THSD7A: variants seen among roughly 807,000 people sequenced by gnomAD.
THSD7A encodes the protein thrombospondin type-1 domain-containing protein 7A.
In THSD7A, 96 loss-of-function variants were observed where a neutral mutation model predicts 231.3. That is an observed-to-expected ratio of 0.41 (90% CI 0.35 to 0.49). The LOEUF (loss-of-function observed/expected upper bound fraction) is 0.49. Ranked by LOEUF, THSD7A falls within the 20% of genes least tolerant of loss-of-function variation. THSD7A has a pLI of 0.05. For synonymous variants in THSD7A, 940 were observed against 743.3 expected (o/e 1.26, Z -4.30); for missense variants, 2,290 against 2,070.2 (o/e 1.11, Z -2.06).
chr7:11,773,800 T>G (rs1783314666), intron 1 of THSD7A, among the ~76,000 whole-genome samples: 1 of 152,046 alleles, frequency 6.6e-6, no homozygotes, highest in South Asian at 2.1e-4. Flanking sequence ...GTAAACTCAT[T>G]TTAAAAATTA....
At chr7:11,829,904 C>T (rs1040100336) in intron 1 of THSD7A, among the ~76,000 whole-genome samples, 8 of 151,544 alleles carry the variant, frequency 5.3e-5, no homozygotes, top group Non-Finnish European at 8.8e-5. Context: ...ATATCTTTAA[C>T]ATCCTCATCA....
At chr7:11,597,999 A>G (rs1206519035) in intron 2 of THSD7A, among the ~76,000 whole-genome samples, 1 of 152,182 alleles carries the variant, frequency 6.6e-6, no homozygotes, top group Non-Finnish European at 1.5e-5. Flanking sequence ...ATGGTTCTGC[A>G]CGGTATGCAG....
intron 6 of THSD7A, among the ~76,000 whole-genome samples, chr7:11,539,895 G>A (rs931236474): frequency 6.6e-6 from 1 of 152,104 alleles, no homozygotes; most frequent in South Asian, 2.1e-4. Flanking sequence ...GACTATGGAA[G>A]GACAAGCAAA....
At position 11,373,729 on chromosome 7, in the gene THSD7A, C is replaced by T. The variant is rs769549055; in HGVS notation, c.*2065G>A. On this transcript the variant is annotated 3_prime_UTR_variant, in exon 28 of 28. Coordinates refer to ENST00000423059, the MANE Select transcript of THSD7A (RefSeq NM_015204.3). The stretch of plus-strand genomic sequence containing the variant: ...TAATCTTTGCAAATACTCTAATGAA[C>T]AGCAGGGGGAGTTCATACTCCAGTA... The T allele has an allele frequency of 3.7e-4, 56 of 152,068 alleles. No individual in the cohort carries two copies. The highest frequency in any genetic ancestry group is 6.6e-4 in the Admixed American group (10 of 15,226). 9.4% of individuals were successfully genotyped at this position (152,068 alleles called of 1,614,324 possible). A position where few individuals can be genotyped will look rare whatever the true frequency, so the allele number is the denominator to read the frequency against.
chr7:11,413,453 C>T (rs1303396655), intron 17 of THSD7A, among the ~76,000 whole-genome samples: 1 of 151,964 alleles, frequency 6.6e-6, no homozygotes, highest in Non-Finnish European at 1.5e-5. Context: ...TCACTCTGCA[C>T]CTGATCAACC....
intron 2 of THSD7A, among the ~76,000 whole-genome samples, chr7:11,628,716 T>G (rs1396310229): frequency 6.6e-6 from 1 of 152,356 alleles, no homozygotes; most frequent in East Asian, 1.9e-4. Flanking sequence ...CCTTTAGTTT[T>G]GTTGAATGAA....
At chr7:11,514,980 CTTG>C (rs1454013144) in intron 6 of THSD7A, among the ~76,000 whole-genome samples, 3 of 152,114 alleles carry the variant, frequency 2.0e-5, no homozygotes, top group Non-Finnish European at 4.4e-5. Flanking sequence ...CAGAAGATCA[CTTG>C]TTGTTTCAAA....
At chr7:11,807,785 T>A (rs1171593138) in intron 1 of THSD7A, among the ~76,000 whole-genome samples, 1 of 152,196 alleles carries the variant, frequency 6.6e-6, no homozygotes, top group East Asian at 1.9e-4. Context: ...AAATCAATAA[T>A]ATTTTGCTAC....
intron 1 of THSD7A, among the ~76,000 whole-genome samples, chr7:11,824,504 G>A (rs1319558521): frequency 6.6e-6 from 1 of 152,042 alleles, no homozygotes; most frequent in Non-Finnish European, 1.5e-5. Context: ...CCATCCTATT[G>A]TACTCTTAAT....
intron 13 of THSD7A, among the ~76,000 whole-genome samples, chr7:11,437,491 T>C (rs1364725721): frequency 6.6e-6 from 1 of 152,076 alleles, no homozygotes; most frequent in Admixed American, 6.6e-5. Context: ...TGCCTCTCTT[T>C]TACATTTGAA....
At position 11,593,489 on chromosome 7, in the gene THSD7A, C is replaced by T. The variant is rs61996274; in HGVS notation, c.1036G>A (p.Glu346Lys). ...GACTGGAAGGTCATTGGAAGCTTCT[C>T]TTGCTGGCAAAAGCTGTAAAAGAGC... ...KAADLSFCQQEKLPMTFQSCV... is the reference protein window; with the variant it reads ...KAADLSFCQQKKLPMTFQSCV... Residue 346 changes from glutamate to lysine, a missense_variant, in exon 3 of 28, where the codon GAG becomes AAG. Glu to Lys is a moderately conservative substitution (Grantham distance 56). Transcript: ENST00000423059. The T allele has an allele frequency of 4.3e-3, 6,898 of 1,613,888 alleles. 23 individuals are homozygous for T. Among genetic ancestry groups the T allele is most frequent in the Non-Finnish European group, 5.3e-3 (6,259 of 1,179,796 alleles).
chr7:11,429,045 T>TG lies in THSD7A; in HGVS notation c.3144dup (p.Lys1049GlnfsTer12). ...ACCTTCACACCACTCCCACAGGACT[T>TG]GCTGCAGCGCGACCAGTTGGACCAC... is the stretch of plus-strand genomic sequence containing the variant. On this transcript the variant is annotated frameshift_variant, in exon 14 of 28. Transcript: ENST00000423059. LOFTEE classifies it high-confidence loss of function. The TG allele has an allele frequency of 6.2e-7, 1 of 1,613,310 alleles. No homozygotes were observed.
At chr7:11,457,872 T>C (rs1785361582) in intron 11 of THSD7A, among the ~76,000 whole-genome samples, 2 of 152,130 alleles carry the variant, frequency 1.3e-5, no homozygotes, top group Admixed American at 1.3e-4. Context: ...CAACCCGTAC[T>C]TTAAGTCTTT....
chr7:11,527,843 G>A (rs1301823437), intron 6 of THSD7A, among the ~76,000 whole-genome samples: 1 of 152,076 alleles, frequency 6.6e-6, no homozygotes, highest in Non-Finnish European at 1.5e-5. Context: ...TTAAATAATG[G>A]CTTTAGGTAA....
At chr7:11,402,046 C>T in intron 22 of THSD7A, 78 bp from the exon 23 acceptor site, 2 of 1,234,212 alleles carry the variant, frequency 1.6e-6, no homozygotes, top group South Asian at 2.9e-5. Flanking sequence ...ATTCCAACCC[C>T]AGTAGGCAAT....
chr7:11,410,802 G>A (rs565938501), intron 19 of THSD7A, among the ~76,000 whole-genome samples: 1 of 152,158 alleles, frequency 6.6e-6, no homozygotes, highest in South Asian at 2.1e-4. Flanking sequence ...AATCTGCTAT[G>A]AAACCACATG....
intron 1 of THSD7A, among the ~76,000 whole-genome samples, chr7:11,681,475 A>G (rs960855270): frequency 1.3e-5 from 2 of 152,104 alleles, no homozygotes; most frequent in African/African-American, 4.8e-5. Flanking sequence ...GGAAGCCCCA[A>G]TAATAAATTA....
chr7:11,562,839 T>C (rs752208057), intron 4 of THSD7A, among the ~76,000 whole-genome samples: 2 of 152,230 alleles, frequency 1.3e-5, no homozygotes, highest in Non-Finnish European at 2.9e-5. Flanking sequence ...CCATTGGCAC[T>C]AGTGGTGCGT....
intron 6 of THSD7A, among the ~76,000 whole-genome samples, chr7:11,502,550 T>C (rs957511865): frequency 6.6e-6 from 1 of 152,164 alleles, no homozygotes; most frequent in African/African-American, 2.4e-5. Flanking sequence ...ATTATCTCAA[T>C]AGATTCAGAA....
Sources: allele counts gnomAD v4.1 joint callset (sites outside exome capture counted in the v4.1 genomes callset), GRCh38; gene constraint gnomAD v4.1.1; transcripts MANE v1.5; gene names NCBI Gene and HGNC (gene_info 2026-07-23, HGNC 2026-07-21).